Variants in PRELID2 observed in about 807,000 individuals in gnomAD.
The protein encoded by PRELID2 is PRELI domain containing 2.
PRELID2 carries 25 observed loss-of-function variants against 28.4 expected under a neutral mutation model. The ratio of observed to expected loss-of-function variants is 0.88; its 90% CI spans 0.64 to 1.23. PRELID2 has a LOEUF of 1.23. Ranked by LOEUF, PRELID2 falls within the 50% of genes most tolerant of loss-of-function variation. The pLI, the probability that PRELID2 is intolerant of heterozygous loss-of-function variation, is 0.00. For synonymous variants in PRELID2, 76 were observed against 71.6 expected, an observed-to-expected ratio of 1.06 and a Z score of -0.31; for missense variants, 201 against 214.4, an observed-to-expected ratio of 0.94 and a Z score of 0.39.
rs913525678 is a variant in PRELID2 at position 145,530,060 on chromosome 5, T to C, written n.71-56745A>G. Among the ~76,000 whole-genome samples the C allele has an allele frequency of 2.0e-5, 3 of 152,260 alleles. No homozygotes were observed. The South Asian group carries it at 6.2e-4, about 32-fold the overall frequency. On this transcript the variant is annotated intron_variant and non_coding_transcript_variant, in intron 1 of 2. Transcript: ENST00000510259. ...CAGATAACTTCACATCTATTTTTCC[T>C]CTGATTTTCAGAAGAGGGTACTATT...
intron 1 of PRELID2, among the ~76,000 whole-genome samples, chr5:145,744,585 C>A (rs939422053): frequency 1.3e-5 from 2 of 152,074 alleles, no homozygotes; most frequent in African/African-American, 4.8e-5. Context: ...TGAAGTGAAC[C>A]CCCAGCAAAC....
intron 1 of PRELID2, among the ~76,000 whole-genome samples, chr5:145,590,790 C>T (rs900442940): frequency 6.6e-6 from 1 of 152,032 alleles, no homozygotes; most frequent in Non-Finnish European, 1.5e-5. Flanking sequence ...TGTCCCATCC[C>T]GAGGAAAACT....
chr5:145,390,770 C>A, the PRELID2 span, among the ~76,000 whole-genome samples: 1 of 152,134 alleles, frequency 6.6e-6, no homozygotes, highest in Non-Finnish European at 1.5e-5. Context: ...TGATACCAGG[C>A]AATTCCCTTC....
intron 1 of PRELID2, among the ~76,000 whole-genome samples, chr5:145,584,746 C>A (rs925005141): frequency 6.6e-6 from 1 of 152,132 alleles, no homozygotes; most frequent in African/African-American, 2.4e-5. Flanking sequence ...CCATCTCCCA[C>A]CAGTCAGAAT....
At chr5:145,496,260 C>T (rs544804802) in intron 1 of PRELID2, among the ~76,000 whole-genome samples, 1 of 152,090 alleles carries the variant, frequency 6.6e-6, no homozygotes, top group East Asian at 1.9e-4. Flanking sequence ...ATTTGAAGTG[C>T]CCACTAGACA....
the PRELID2 span, among the ~76,000 whole-genome samples, chr5:145,379,340 C>T: frequency 1.3e-5 from 2 of 152,170 alleles, no homozygotes; most frequent in Non-Finnish European, 2.9e-5. Context: ...GCTGGACTGC[C>T]TGACTCCCTG....
At chr5:145,251,677 T>C in the PRELID2 span, among the ~76,000 whole-genome samples, 1 of 152,134 alleles carries the variant, frequency 6.6e-6, no homozygotes, top group African/African-American at 2.4e-5. Context: ...TTGGGCCCCT[T>C]TTCTGCATTT....
At chr5:145,648,464 T>G (rs1754234561) in intron 1 of PRELID2, among the ~76,000 whole-genome samples, 1 of 151,610 alleles carries the variant, frequency 6.6e-6, no homozygotes, top group Non-Finnish European at 1.5e-5. Flanking sequence ...AATAGTTATC[T>G]TTGGTGAGGG....
the PRELID2 span, among the ~76,000 whole-genome samples, chr5:145,346,534 C>A: frequency 6.6e-6 from 1 of 152,136 alleles, no homozygotes; most frequent in East Asian, 1.9e-4. Context: ...GATAGCCTAA[C>A]AGGGCTGTTC....
intron 1 of PRELID2, among the ~76,000 whole-genome samples, chr5:145,517,019 T>A (rs1249945010): frequency 6.6e-6 from 1 of 152,090 alleles, no homozygotes; most frequent in Non-Finnish European, 1.5e-5. Flanking sequence ...AAGTAAGACC[T>A]AAAACCATAA....
chr5:145,679,387 T>C (rs905342416), intron 1 of PRELID2, among the ~76,000 whole-genome samples: 1 of 152,204 alleles, frequency 6.6e-6, no homozygotes, highest in Non-Finnish European at 1.5e-5. Flanking sequence ...GCTCAAATGT[T>C]ATCTCTTTGT....
chr5:145,700,621 A>C (rs1014977856), intron 1 of PRELID2, among the ~76,000 whole-genome samples: 1 of 152,088 alleles, frequency 6.6e-6, no homozygotes, highest in Non-Finnish European at 1.5e-5. Context: ...CAGTCAAAGT[A>C]CCCAAAAGTA....
At chr5:145,700,085 G>GA (rs568526829) in intron 1 of PRELID2, among the ~76,000 whole-genome samples, 48 of 152,224 alleles carry the variant, frequency 3.2e-4, no homozygotes, top group Middle Eastern at 6.8e-3. Context: ...AATAGGTGAG[G>GA]AAAAATGGTT....
At chr5:145,711,762 G>A (rs752665014) in intron 1 of PRELID2, among the ~76,000 whole-genome samples, 7 of 152,134 alleles carry the variant, frequency 4.6e-5, no homozygotes, top group Non-Finnish European at 1.0e-4. Flanking sequence ...CAAGAGGACT[G>A]AGAGAAATTG....
chr5:145,440,346 T>G, the PRELID2 span, among the ~76,000 whole-genome samples: 1 of 152,086 alleles, frequency 6.6e-6, no homozygotes, highest in African/African-American at 2.4e-5. Context: ...CTATCAATCA[T>G]TTCTCTGATT....
intron 1 of PRELID2, among the ~76,000 whole-genome samples, chr5:145,600,412 CA>C (rs1753374417): frequency 1.8e-5 from 2 of 113,352 alleles, no homozygotes; most frequent in South Asian, 2.5e-4. Flanking sequence ...GAGCTTCTCT[CA>C]GGGGGGGAAA....
the PRELID2 span, among the ~76,000 whole-genome samples, chr5:145,386,197 G>C: frequency 5.3e-5 from 8 of 151,886 alleles, no homozygotes; most frequent in African/African-American, 1.9e-4. Flanking sequence ...AGAGTGAAGG[G>C]GGAAAATAAC....
In PRELID2 at chr5:145,721,433, T is replaced by G. The variant is rs201544506; in HGVS notation, n.70+43498A>C. Among the ~76,000 whole-genome samples the G allele has an allele frequency of 1.5e-4, 23 of 152,148 alleles. No individual in the cohort carries two copies. The East Asian group carries it at 4.4e-3, about 29-fold the overall frequency. On this transcript the variant is annotated intron_variant and non_coding_transcript_variant, in intron 1 of 2. Coordinates refer to the PRELID2 transcript ENST00000510259. Reference sequence around the variant, plus strand: ...AGCAGACAAGGGAATTTTTAAAAGGTGTAAATACAAATGTTATCACTAAAT... The same window carrying G: ...AGCAGACAAGGGAATTTTTAAAAGGGGTAAATACAAATGTTATCACTAAAT...
At chr5:145,536,655 G>A (rs1752701680) in intron 1 of PRELID2, among the ~76,000 whole-genome samples, 2 of 151,898 alleles carry the variant, frequency 1.3e-5, no homozygotes, top group African/African-American at 4.8e-5. Context: ...TAGGGGCCAG[G>A]ATACTTCCAT....
Sources: allele counts gnomAD v4.1 joint callset (sites outside exome capture counted in the v4.1 genomes callset), GRCh38; gene constraint gnomAD v4.1.1; transcripts MANE v1.5; gene names NCBI Gene and HGNC (gene_info 2026-07-23, HGNC 2026-07-21).